The following ATP1A3 variants were observed in gnomAD, a reference collection of about 807,000 sequenced individuals.
ATP1A3 encodes the protein sodium/potassium-transporting ATPase subunit alpha-3.
In ATP1A3, 12 loss-of-function variants were observed where a neutral mutation model predicts 108.8. The observed-to-expected ratio is 0.11, with a 90% confidence interval of 0.07 to 0.18. The LOEUF (loss-of-function observed/expected upper bound fraction) is 0.18, where lower values mean the gene tolerates loss of function less well. Ranked by LOEUF, ATP1A3 falls within the 10% of genes least tolerant of loss-of-function variation. The pLI is 1.00. For synonymous variants in ATP1A3, 539 were observed against 564.5 expected (o/e 0.95, Z 0.64); for missense variants, 498 against 1,387.7 (o/e 0.36, Z 10.19).
chr19:41,969,752 G>A (rs913734547), intron 18 of ATP1A3, among the ~76,000 whole-genome samples, 172 bp from the exon 19 acceptor site: 2 of 152,358 alleles, frequency 1.3e-5, no homozygotes, highest in Middle Eastern at 3.4e-3. Flanking sequence ...TGGTGGTGAG[G>A]CCCTGAGATG....
rs1273337984 is a variant in ATP1A3, at chr19:41,977,970, G to A, written c.1909C>T (p.Arg637Trp). ...ACCTGGCTGACGGGAATGTTGAGCC[G>A]GGCGGCGATGTCCTCCACAGTCTCG... is the stretch of plus-strand genomic sequence containing the variant. ...GNETVEDIAA[R>W]LNIPVSQVNP... The change falls in exon 14 of 23, where the codon CGG (arginine) becomes TGG (tryptophan). Residue 637 changes from arginine to tryptophan, a missense_variant. Arg to Trp is a moderately radical substitution (Grantham distance 101, BLOSUM62 -3). Transcript: ENST00000648268. 4 of 1,614,238 alleles carry A rather than the reference G, an allele frequency of 2.5e-6. No homozygotes were observed. Among genetic ancestry groups the A allele is most frequent in the Admixed American group, 1.7e-5 (1 of 60,034 alleles).
At chr19:41,977,556 G>A (rs1239439641) in intron 14 of ATP1A3, among the ~76,000 whole-genome samples, 2 of 151,702 alleles carry the variant, frequency 1.3e-5, no homozygotes, top group Non-Finnish European at 2.9e-5. Context: ...AAAAATTAGC[G>A]GGGCATGGTG....
At chr19:41,971,796 A>G (rs145416391) in intron 16 of ATP1A3, among the ~76,000 whole-genome samples, 5 of 152,196 alleles carry the variant, frequency 3.3e-5, no homozygotes, top group Non-Finnish European at 5.9e-5. Flanking sequence ...TTCTATCTTG[A>G]CTGGGGTCTG....
chr19:41,969,719 A>G (rs2075081779), intron 18 of ATP1A3, 139 bp from the exon 19 acceptor site: 7 of 1,278,456 alleles, frequency 5.5e-6, no homozygotes, highest in Non-Finnish European at 7.8e-6. Context: ...ATTGGTTCCC[A>G]GAGGGTGACC....
In ATP1A3 at chr19:41,988,822, C is replaced by T. The variant is rs781942911; in HGVS notation, c.7-260G>A. 1.5e-4 allele frequency among the ~76,000 whole-genome samples: 23 copies of T among 152,196 alleles called. No individual in the cohort carries two copies. Among genetic ancestry groups the T allele is most frequent in the Non-Finnish European group, 2.9e-4 (20 of 68,036 alleles). ...GCAATCAGCTTCCCTGTCTCTGGTT[C>T]TGTGTGTCTCTGAGTCTCTGTCCCC... On this transcript the variant is annotated intron_variant, in intron 1 of 22. Transcript: ENST00000648268. The surrounding 1 kb of genome is among the most constrained non-coding windows in gnomAD (Gnocchi z 5.3).
intron 16 of ATP1A3, among the ~76,000 whole-genome samples, chr19:41,970,916 G>C (rs553047377): frequency 1.3e-5 from 2 of 151,850 alleles, no homozygotes. Flanking sequence ...ACAGGCGTGA[G>C]CCACCGCGCC....
intron 16 of ATP1A3, among the ~76,000 whole-genome samples, chr19:41,974,429 T>G (rs1555860529): frequency 6.6e-6 from 1 of 152,052 alleles, no homozygotes; most frequent in Non-Finnish European, 1.5e-5. Flanking sequence ...GGTGACAGAT[T>G]GAGACTCTAT....
At chr19:41,993,182 T>A (rs1295882503) in intron 1 of ATP1A3, 4 of 28,768 alleles carry the variant, frequency 1.4e-4, no homozygotes, top group East Asian at 9.5e-4. Flanking sequence ...TGATTCCCCC[T>A]CCCTTCAGCC....
intron 19 of ATP1A3, 53 bp downstream of exon 19, chr19:41,969,382 C>G: frequency 1.9e-6 from 3 of 1,613,642 alleles, no homozygotes; most frequent in South Asian, 2.2e-5. Flanking sequence ...GCTGGAACAG[C>G]TCACCCCGGG....
chr19:41,983,679 G>A (rs2075257699), intron 8 of ATP1A3, among the ~76,000 whole-genome samples: 1 of 147,644 alleles, frequency 6.8e-6, no homozygotes, highest in Non-Finnish European at 1.5e-5. Context: ...TTCAATCATG[G>A]CCCACTACAG....
chr19:41,969,143 G>A (rs1261182168), intron 19 of ATP1A3, among the ~76,000 whole-genome samples: 1 of 152,184 alleles, frequency 6.6e-6, no homozygotes, highest in Admixed American at 6.5e-5. Context: ...GGCCAGGGAG[G>A]AGGATAAGGA....
intron 8 of ATP1A3, among the ~76,000 whole-genome samples, chr19:41,983,576 A>G (rs1568863628): frequency 6.9e-6 from 1 of 145,932 alleles, no homozygotes; most frequent in Non-Finnish European, 1.5e-5. Flanking sequence ...TTTTAAAAAT[A>G]ATAATAATAA....
chr19:41,976,554 G>C lies in ATP1A3; in HGVS notation c.1956C>G (p.Ala652=), dbSNP rs782807575. ...VSQVNPRDAK[A]CVIHGTDLKD... The stretch of plus-strand genomic sequence containing the variant: ...TGAGGTCGGTGCCGTGGATCACGCA[G>C]GCCTTGGCATCCCTGGGAAGAGCAG... The change falls in exon 15 of 23, where the codon GCC becomes GCG. Residue 652 remains alanine (A), a synonymous_variant. Transcript: ENST00000648268. 1 of 1,614,104 alleles carries C rather than the reference G, an allele frequency of 6.2e-7. No individual in the cohort carries two copies. The highest frequency in any genetic ancestry group is 1.7e-5 in the Admixed American group (1 of 60,018).
chr19:41,979,662 G>A (rs961923135), intron 11 of ATP1A3, among the ~76,000 whole-genome samples: 3 of 152,296 alleles, frequency 2.0e-5, no homozygotes, highest in African/African-American at 7.2e-5. Flanking sequence ...CGGACAGAAA[G>A]TAGGTTAGTG....
At chr19:41,976,290 C>T in intron 15 of ATP1A3, 126 bp downstream of exon 15, 2 of 1,363,470 alleles carry the variant, frequency 1.5e-6, no homozygotes, top group Admixed American at 2.0e-5. Flanking sequence ...CCAGACCCTC[C>T]TCTCTCAGAC....
In ATP1A3 at chr19:41,968,176, C is replaced by CT. The variant is rs1400132159; in HGVS notation, c.2820-414dup. 6.6e-6 allele frequency among the ~76,000 whole-genome samples: 1 copy of CT among 152,078 alleles called. No individual in the cohort carries two copies. Among genetic ancestry groups the CT allele is most frequent in the African/African-American group, 2.4e-5 (1 of 41,410 alleles). On this transcript the variant is annotated intron_variant, in intron 20 of 22. Coordinates refer to ENST00000648268, the MANE Select transcript of ATP1A3 (RefSeq NM_152296.5). The surrounding 1 kb of genome is among the most constrained non-coding windows in gnomAD (Gnocchi z 5.0). ...ACACACACAGAGGCTGAGAGAGAAT[C>CT]TAGGACACACAGGACCCCTTGAGAG... is the stretch of plus-strand genomic sequence containing the variant.
At position 41,981,836 on chromosome 19, in the gene ATP1A3, G is replaced by A. The variant is rs782633348; in HGVS notation, c.1193-5C>T. ...AACTCTTGTCAAATGAGGTCCCTGG[G>A]GGAGGCATGTGTGAGGGCCAGGGAC... On this transcript the variant is annotated splice_polypyrimidine_tract_variant and splice_region_variant and intron_variant, in intron 9 of 22. Coordinates refer to ENST00000648268, the MANE Select transcript of ATP1A3 (RefSeq NM_152296.5). This position sits in a 1 kb window ranked among gnomAD's most constrained non-coding sequence, Gnocchi z 5.0. The A allele has an allele frequency of 5.6e-5, 90 of 1,614,090 alleles. No individual in the cohort carries two copies. Among genetic ancestry groups the A allele is most frequent in the Non-Finnish European group, 7.6e-5 (90 of 1,180,040 alleles).
rs535750735 is a variant in ATP1A3, at chr19:41,992,601, A to G, written c.6+1470T>C. Among the ~76,000 whole-genome samples, 9 of 151,992 alleles carry G rather than the reference A, an allele frequency of 5.9e-5. No homozygotes were observed. The South Asian group carries it at 1.2e-3, about 21-fold the overall frequency. ...AGGCTGACTGTGGTTGCCGCTAGATAGGAAATATCTGTCCTTGTGTCTCTT... is the reference window on the plus strand; with the variant it reads ...AGGCTGACTGTGGTTGCCGCTAGATGGGAAATATCTGTCCTTGTGTCTCTT... On this transcript the variant is annotated intron_variant, in intron 1 of 22. Coordinates refer to ENST00000648268, the MANE Select transcript of ATP1A3 (RefSeq NM_152296.5).
intron 16 of ATP1A3, among the ~76,000 whole-genome samples, chr19:41,973,912 G>T (rs1226680715): frequency 6.6e-6 from 1 of 152,146 alleles, no homozygotes; most frequent in Non-Finnish European, 1.5e-5. Flanking sequence ...GGGAGGCCAA[G>T]GTGGGAGGAT....
Sources: allele counts gnomAD v4.1 joint callset (sites outside exome capture counted in the v4.1 genomes callset), GRCh38; gene constraint gnomAD v4.1.1; non-coding constraint Gnocchi (gnomAD v3.1); transcripts MANE v1.5; gene names NCBI Gene and HGNC (gene_info 2026-07-23, HGNC 2026-07-21).